The following TMCO1 variants were observed in gnomAD, a reference collection of about 807,000 sequenced individuals.
The protein encoded by TMCO1 is calcium load-activated calcium channel.
A neutral mutation model predicts 29.3 loss-of-function variants in TMCO1; 29 were observed. The ratio of observed to expected loss-of-function variants is 0.99; its 90% CI spans 0.74 to 1.35. The LOEUF (loss-of-function observed/expected upper bound fraction) is 1.35. Among genes scored for constraint, TMCO1 ranks in the 40% most tolerant of loss-of-function variants. The probability of loss-of-function intolerance (pLI) is 0.00; values close to 1 mark genes in which losing one functional copy is unlikely to be tolerated. For synonymous variants in TMCO1, 80 were observed against 77.1 expected, an observed-to-expected ratio of 1.04 and a Z score of -0.20; for missense variants, 173 against 225.5, an observed-to-expected ratio of 0.77 and a Z score of 1.49.
chr1:165,752,058 T>G, intron 5 of TMCO1, 44 bp downstream of exon 5: 2 of 1,428,798 alleles, frequency 1.4e-6, no homozygotes, highest in Non-Finnish European at 9.9e-7. Context: ...CATACAAATA[T>G]AGAGTAATAG....
upstream of TMCO1, chr1:165,768,916 G>A (rs1460101097): frequency 8.4e-6 from 13 of 1,541,608 alleles, no homozygotes; most frequent in East Asian, 2.4e-5. Flanking sequence ...GCACCGGAAA[G>A]GCTCGTATCG....
chr1:165,743,548 G>A (rs1651681061), intron 5 of TMCO1, among the ~76,000 whole-genome samples: 1 of 151,992 alleles, frequency 6.6e-6, no homozygotes, highest in Non-Finnish European at 1.5e-5. Flanking sequence ...TTGGTATCAA[G>A]ACCCCTTTAT....
intron 6 of TMCO1, among the ~76,000 whole-genome samples, chr1:165,742,604 TCTCTAAACCTTTCTGCCTGAACCTTTC>T (rs111961681): frequency 0.013 from 2,014 of 152,218 alleles, 53 homozygotes; most frequent in African/African-American, 0.047. Context: ...GCCACTTCAT[TCTCTAAACCTTTCTGCCTGAACCTTTC>T]CCCACTAATC....
At chr1:165,755,347 T>C (rs1652155344) in intron 3 of TMCO1, among the ~76,000 whole-genome samples, 1 of 152,054 alleles carries the variant, frequency 6.6e-6, no homozygotes, top group African/African-American at 2.4e-5. Context: ...CCCAAATATA[T>C]TAAATTTCAA....
intron 5 of TMCO1, 98 bp downstream of exon 5, chr1:165,752,004 A>T: frequency 1.0e-6 from 1 of 956,770 alleles, no homozygotes; most frequent in Non-Finnish European, 1.6e-6. Context: ...GTTTGAAATT[A>T]CATCAAAATA....
At chr1:165,731,753 G>A (rs1046374232) in intron 6 of TMCO1, among the ~76,000 whole-genome samples, 16 of 152,198 alleles carry the variant, frequency 1.1e-4, no homozygotes, top group African/African-American at 3.9e-4. Flanking sequence ...CAACAAAAAA[G>A]TGTTAAAAAT....
In TMCO1 at chr1:165,727,631, AAGGGTT is replaced by A. The variant is rs1036895880; in HGVS notation, c.*386_*391del. 7.9e-5 allele frequency: 36 copies of A among 453,988 alleles called. No individual in the cohort carries two copies. Among genetic ancestry groups the A allele is most frequent in the African/African-American group, 7.2e-4 (36 of 50,000 alleles). 28.1% of individuals were successfully genotyped at this position (453,988 alleles called of 1,614,324 possible). Reference sequence around the variant, plus strand: ...AAACAACAACAAAACAAACAGTTACAAGGGTTAAACAAACTAAATTTTTCTTCTAAA... The same window carrying A: ...AAACAACAACAAAACAAACAGTTACAAAACAAACTAAATTTTTCTTCTAAA... On this transcript the variant is annotated 3_prime_UTR_variant, in exon 7 of 7. Coordinates refer to ENST00000367881, the MANE Select transcript of TMCO1 (RefSeq NM_019026.6).
intron 6 of TMCO1, among the ~76,000 whole-genome samples, chr1:165,735,902 T>C (rs1651358848): frequency 6.6e-6 from 1 of 152,236 alleles, no homozygotes; most frequent in Non-Finnish European, 1.5e-5. Flanking sequence ...AGCTGCCATC[T>C]ACCACAAAGG....
chr1:165,724,770 A>T (rs1219107232), downstream of TMCO1: 3 of 453,922 alleles, frequency 6.6e-6, no homozygotes, highest in East Asian at 2.1e-4. Context: ...AACACATTAT[A>T]TTAAGGAATT....
chr1:165,768,460 C>G (rs1390099400), intron 1 of TMCO1, 191 bp from the exon 2 acceptor site: 2 of 1,537,756 alleles, frequency 1.3e-6, no homozygotes, highest in East Asian at 2.4e-5. Context: ...GGTGTCTCCA[C>G]AAATACCCAA....
chr1:165,743,723 G>A (rs4233408), intron 5 of TMCO1, among the ~76,000 whole-genome samples: 126,580 of 152,002 alleles, frequency 0.83, 53,251 homozygotes, highest in East Asian at 0.99. Context: ...GCACAATCTC[G>A]GCTCATTGCA....
chr1:165,768,804 C>A lies in TMCO1; in HGVS notation c.-53G>T, dbSNP rs988874481. The A allele has an allele frequency of 4.2e-5, 68 of 1,612,642 alleles. No individual in the cohort carries two copies. The highest frequency in any genetic ancestry group is 5.3e-5 in the Non-Finnish European group (62 of 1,179,410). ...CCGCCAGGGGGAAAGCGCTCTACAG[C>A]CAGGAAAAGTGAAGCGAAAACGGCT... On this transcript the variant is annotated 5_prime_UTR_variant, in exon 1 of 7. Coordinates refer to ENST00000367881, the MANE Select transcript of TMCO1 (RefSeq NM_019026.6).
chr1:165,738,290 C>G (rs1651462895), intron 6 of TMCO1, among the ~76,000 whole-genome samples: 1 of 152,178 alleles, frequency 6.6e-6, no homozygotes, highest in African/African-American at 2.4e-5. Context: ...GAGACTCTGT[C>G]TCCAAAACAA....
At chr1:165,726,397 C>T (rs1215897096), downstream of TMCO1, 1 of 638,150 alleles carries the variant, frequency 1.6e-6, no homozygotes, top group East Asian at 3.0e-5. Context: ...AGAGCTCACA[C>T]ACTCTAGTTG....
chr1:165,728,881 G>C (rs1464005624), intron 6 of TMCO1, among the ~76,000 whole-genome samples: 1 of 152,032 alleles, frequency 6.6e-6, no homozygotes, highest in Non-Finnish European at 1.5e-5. Flanking sequence ...TAGATCACTT[G>C]AGGCTAGGAG....
At chr1:165,738,335 T>C (rs1651464962) in intron 6 of TMCO1, among the ~76,000 whole-genome samples, 1 of 152,168 alleles carries the variant, frequency 6.6e-6, no homozygotes, top group Non-Finnish European at 1.5e-5. Flanking sequence ...AAACCAGGCC[T>C]ATTTCTTTGC....
Position 165,768,226 on chromosome 1 carries a change from T to C in TMCO1, c.114A>G (p.Arg38=). ...VLVYRTDKYK[R]LKAEVEKQSK... ...TCTGTTTTTCCACTTCTGCCTTCAG[T>C]CTCTTGTACTTGTCTGTCCTGTAAA... is the stretch of plus-strand genomic sequence containing the variant. The change falls in exon 2 of 7, where the codon AGA becomes AGG. Residue 38 remains arginine (R), a synonymous_variant. Coordinates refer to ENST00000367881, the MANE Select transcript of TMCO1 (RefSeq NM_019026.6). 6.2e-7 allele frequency: 1 copy of C among 1,614,098 alleles called. No homozygotes were observed.
At chr1:165,759,668 A>G (rs1652327819) in intron 2 of TMCO1, 84 bp from the exon 3 acceptor site, 5 of 1,224,440 alleles carry the variant, frequency 4.1e-6, no homozygotes, top group Non-Finnish European at 4.8e-6. Context: ...TGAACCAATG[A>G]AAGAAGCTTG....
At chr1:165,732,600 C>T (rs1002587849) in intron 6 of TMCO1, among the ~76,000 whole-genome samples, 14 of 151,090 alleles carry the variant, frequency 9.3e-5, no homozygotes, top group Non-Finnish European at 1.5e-4. Flanking sequence ...CTAACATAAA[C>T]TATGGATTTG....
Sources: allele counts gnomAD v4.1 joint callset (sites outside exome capture counted in the v4.1 genomes callset), GRCh38; gene constraint gnomAD v4.1.1; transcripts MANE v1.5; gene names NCBI Gene and HGNC (gene_info 2026-07-23, HGNC 2026-07-21).